The following GPR4 variants were observed in gnomAD, a reference collection of about 807,000 sequenced individuals.
The protein encoded by GPR4 is G-prodeshotein coupled receptor 4.
A neutral mutation model predicts 17.8 loss-of-function variants in GPR4; 11 were observed. The observed-to-expected ratio is 0.62, with a 90% CI of 0.39 to 1.02. The LOEUF (loss-of-function observed/expected upper bound fraction) is 1.02, where lower values mean the gene tolerates loss of function less well. Among genes scored for constraint, GPR4 ranks in the 50% least tolerant of loss-of-function variants. GPR4 has a pLI of 0.00. For missense variants in GPR4, 364 were observed against 495.4 expected (o/e 0.73, Z 2.52); for synonymous variants, 219 against 222.8 (o/e 0.98, Z 0.15).
At chr19:45,600,913 A>AT (rs1970104755) in intron 1 of GPR4, among the ~76,000 whole-genome samples, 1 of 152,194 alleles carries the variant, frequency 6.6e-6, no homozygotes, top group African/African-American at 2.4e-5. Flanking sequence ...TTCCATTCAA[A>AT]GATGTTCACA....
intron 1 of GPR4, among the ~76,000 whole-genome samples, chr19:45,594,074 A>ATATATATATATATATATAT (rs1970030430): frequency 2.4e-5 from 2 of 83,800 alleles, no homozygotes; most frequent in African/African-American, 1.6e-4. Flanking sequence ...ATATATATAT[A>ATATATATATATATATATAT]TATATATATA....
chr19:45,596,902 T>C (rs1600024039), intron 1 of GPR4, among the ~76,000 whole-genome samples: 1 of 152,088 alleles, frequency 6.6e-6, no homozygotes, highest in Non-Finnish European at 1.5e-5. Context: ...GGACTTGCGG[T>C]AAAATCCAGA....
chr19:45,592,021 G>T lies in GPR4; in HGVS notation c.-155C>A. 1 of 689,058 alleles carries T rather than the reference G, an allele frequency of 1.5e-6. No individual in the cohort carries two copies. Among genetic ancestry groups the T allele is most frequent in the Non-Finnish European group, 2.3e-6 (1 of 429,876 alleles). 42.7% of individuals were successfully genotyped at this position (689,058 alleles called of 1,614,324 possible). On this transcript the variant is annotated 5_prime_UTR_variant, in exon 2 of 2. Transcript: ENST00000323040. ...TACAGGGAAGAGATGAGGTTGGGTA[G>T]GCTGGGCTGGGCTGGGAAGGGCAGA...
chr19:45,591,994 T>C lies in GPR4; in HGVS notation c.-128A>G. On this transcript the variant is annotated 5_prime_UTR_variant, in exon 2 of 2. Coordinates refer to ENST00000323040, the MANE Select transcript of GPR4 (RefSeq NM_005282.3). The surrounding 1 kb of genome is among the most constrained non-coding windows in gnomAD (Gnocchi z 7.6). ...CTCAGGGGAACATGGTGGGATGTGG[T>C]CTACAGGGAAGAGATGAGGTTGGGT... 9.7e-7 allele frequency: 1 copy of C among 1,030,692 alleles called. No homozygotes were observed. 63.8% of individuals were successfully genotyped at this position (1,030,692 alleles called of 1,614,324 possible).
At chr19:45,596,158 T>A (rs1446660769) in intron 1 of GPR4, among the ~76,000 whole-genome samples, 1 of 151,968 alleles carries the variant, frequency 6.6e-6, no homozygotes, top group African/African-American at 2.4e-5. Flanking sequence ...TTCCTTCAAA[T>A]CACTTCCCAT....
chr19:45,597,131 C>T (rs1426538067), intron 1 of GPR4, among the ~76,000 whole-genome samples: 9 of 151,964 alleles, frequency 5.9e-5, no homozygotes, highest in Non-Finnish European at 5.9e-5. Flanking sequence ...TGCAGTGGCA[C>T]GATCTCGGCT....
At chr19:45,596,953 G>A (rs980457985) in intron 1 of GPR4, among the ~76,000 whole-genome samples, 2 of 152,178 alleles carry the variant, frequency 1.3e-5, no homozygotes, top group East Asian at 3.8e-4. Flanking sequence ...GACCTGCTGG[G>A]GCAGCCTAGC....
intron 1 of GPR4, among the ~76,000 whole-genome samples, chr19:45,597,071 C>T (rs1364453226): frequency 2.7e-4 from 40 of 149,414 alleles, no homozygotes; most frequent in Admixed American, 2.7e-3. Context: ...GTCTGGAATG[C>T]TCTTTTTTTT....
rs138937906 is a variant in GPR4, at chr19:45,591,852, C to T, written c.15G>A (p.Thr5=). ...GCGAGTCCACGTGGCAGCCCTCCCA[C>T]GTGTGGTTGCCCATGGTGGGCACTT... MGNH[T]WEGCHVDSRV... The change falls in exon 2 of 2, where the codon ACG becomes ACA. Residue 5 remains threonine, a synonymous_variant. Coordinates refer to ENST00000323040, the MANE Select transcript of GPR4 (RefSeq NM_005282.3). The surrounding 1 kb of genome is among the most constrained non-coding windows in gnomAD (Gnocchi z 7.6). 780 of 1,562,444 alleles carry T rather than the reference C, an allele frequency of 5.0e-4. 1 individual carries two copies. Among genetic ancestry groups the T allele is most frequent in the Non-Finnish European group, 6.5e-4 (747 of 1,150,220 alleles).
At chr19:45,594,441 A>AAAG (rs1007174492) in intron 1 of GPR4, among the ~76,000 whole-genome samples, 16 of 150,444 alleles carry the variant, frequency 1.1e-4, no homozygotes, top group African/African-American at 3.7e-4. Context: ...AAAAAAAAAA[A>AAAG]AGAGATCCTC....
rs1268179353 is a variant in GPR4 at position 45,590,978 on chromosome 19, C to T, written c.889G>A (p.Val297Met). The part of the protein sequence containing the change: ...CLVNEGARSD[V>M]AKALHNLLRF... ...AGCAGGTTGTGCAGGGCCTTGGCCA[C>T]ATCGCTGCGGGCGCCCTCGTTGACC... Residue 297 changes from valine to methionine, a missense_variant, in exon 2 of 2, where the codon GTG (valine) becomes ATG (methionine). Val to Met is a conservative substitution (Grantham distance 21). Coordinates refer to ENST00000323040, the MANE Select transcript of GPR4 (RefSeq NM_005282.3). The T allele has an allele frequency of 6.2e-7, 1 of 1,613,970 alleles. No individual in the cohort carries two copies. The highest frequency in any genetic ancestry group is 8.5e-7 in the Non-Finnish European group (1 of 1,180,036).
In GPR4 at chr19:45,591,367, A is replaced by G; in HGVS notation, c.500T>C (p.Phe167Ser). ...ELFRDRYNHT[F>S]CFEKFPMEGW... is the part of the protein sequence containing the mutation. ...TTCCATGGGGAACTTCTCAAAGCAG[A>G]AGGTGTGGTTGTAGCGGTCTCGGAA... Residue 167 changes from phenylalanine to serine, a missense_variant, in exon 2 of 2, where the codon TTC becomes TCC. By Grantham distance (155) the Phe-to-Ser change is radical (BLOSUM62 -2). This residue lies in a region of GPR4 where 271 missense variants were observed against 373.1 expected (regional missense o/e 0.73). Coordinates refer to ENST00000323040, the MANE Select transcript of GPR4 (RefSeq NM_005282.3). The surrounding 1 kb of genome is among the most constrained non-coding windows in gnomAD (Gnocchi z 7.6). The G allele has an allele frequency of 6.2e-7, 1 of 1,613,452 alleles. No individual in the cohort carries two copies. The highest frequency in any genetic ancestry group is 8.5e-7 in the Non-Finnish European group (1 of 1,179,920).
intron 1 of GPR4, among the ~76,000 whole-genome samples, chr19:45,594,198 C>T (rs989823092): frequency 2.9e-3 from 423 of 145,394 alleles, no homozygotes; most frequent in Non-Finnish European, 4.6e-3. Context: ...CTGAGGCGGG[C>T]GGATCATGAG....
chr19:45,590,549 A>G lies in GPR4; in HGVS notation c.*229T>C. The G allele has an allele frequency of 2.0e-6, 1 of 491,462 alleles. No individual in the cohort carries two copies. Among genetic ancestry groups the G allele is most frequent in the South Asian group, 3.7e-5 (1 of 26,780 alleles). 30.4% of individuals were successfully genotyped at this position (491,462 alleles called of 1,614,324 possible). On this transcript the variant is annotated 3_prime_UTR_variant, in exon 2 of 2. Coordinates refer to ENST00000323040, the MANE Select transcript of GPR4 (RefSeq NM_005282.3). ...AGTGAGACCCTGTCTCCAAAAAAAT[A>G]TATTTACTCATCTCCTCCTTCAGGA... is the stretch of plus-strand genomic sequence containing the variant.
rs770311924 is a variant in GPR4, at chr19:45,591,872, G to A, written c.-6C>T. ...TCCCACGTGTGGTTGCCCATGGTGG[G>A]CACTTCGGCTTCTGGGGCGCTTCCC... On this transcript the variant is annotated 5_prime_UTR_variant, in exon 2 of 2. Coordinates refer to ENST00000323040, the MANE Select transcript of GPR4 (RefSeq NM_005282.3). This position sits in a 1 kb window ranked among gnomAD's most constrained non-coding sequence, Gnocchi z 7.6. The A allele has an allele frequency of 2.6e-6, 4 of 1,544,194 alleles. No individual in the cohort carries two copies. The highest frequency in any genetic ancestry group is 1.9e-5 in the Admixed American group (1 of 51,922).
Position 45,590,975 on chromosome 19 carries a change from C to T in GPR4, c.892G>A (p.Ala298Thr). 6.2e-7 allele frequency: 1 copy of T among 1,613,920 alleles called. No homozygotes were observed. The highest frequency in any genetic ancestry group is 8.5e-7 in the Non-Finnish European group (1 of 1,180,038). Reference sequence around the variant, plus strand: ...CGGAGCAGGTTGTGCAGGGCCTTGGCCACATCGCTGCGGGCGCCCTCGTTG... The same window carrying T: ...CGGAGCAGGTTGTGCAGGGCCTTGGTCACATCGCTGCGGGCGCCCTCGTTG... The part of the protein sequence containing the change: ...LVNEGARSDV[A>T]KALHNLLRFL... The change falls in exon 2 of 2, where the codon GCC (alanine) becomes ACC (threonine). Residue 298 changes from alanine to threonine, a missense_variant. Ala to Thr is a moderately conservative substitution (Grantham distance 58). Around this residue, in one of 3 missense-constraint regions of GPR4, gnomAD observed 92 missense variants for 106.0 expected, o/e 0.87. Transcript: ENST00000323040.
intron 1 of GPR4, among the ~76,000 whole-genome samples, chr19:45,601,843 A>C (rs539724158): frequency 6.6e-6 from 1 of 152,126 alleles, no homozygotes; most frequent in South Asian, 2.1e-4. Context: ...GATCAAGAAA[A>C]AGACAGAGAC....
intron 1 of GPR4, among the ~76,000 whole-genome samples, chr19:45,597,915 T>C (rs1970074420): frequency 6.6e-6 from 1 of 151,754 alleles, no homozygotes; most frequent in Non-Finnish European, 1.5e-5. Flanking sequence ...CAGAGCTGCC[T>C]CCCCCACCCC....
rs149403709 is a variant in GPR4 at position 45,594,171 on chromosome 19, C to T, written c.-831-1474G>A. Among the ~76,000 whole-genome samples the T allele has an allele frequency of 1.2e-3, 172 of 145,832 alleles. 1 individual carries two copies. In the East Asian group the frequency reaches 0.016, roughly 14 times the overall value. ...AGCTCAAGAGATCCTTCCCTGTAAT[C>T]GCAGCACTTTGGGAGGCTGAGGCGG... On this transcript the variant is annotated intron_variant, in intron 1 of 1. Transcript: ENST00000323040.
Sources: gnomAD v4.1 joint callset for allele counts (sites outside exome capture counted in the v4.1 genomes callset) on GRCh38, gnomAD v4.1.1 for gene constraint, gnomAD v4.1.1 regional missense constraint, Gnocchi (gnomAD v3.1) non-coding constraint, MANE v1.5 for transcripts, NCBI Gene and HGNC (gene_info 2026-07-23, HGNC 2026-07-21) for gene names.